The following KIAA1217 variants were observed in gnomAD, a reference collection of about 807,000 sequenced individuals.
KIAA1217 encodes the protein sickle tail protein homolog.
In KIAA1217, 88 loss-of-function variants were observed where a neutral mutation model predicts 163.9. That is an observed-to-expected ratio of 0.54 (90% CI 0.45 to 0.64). The LOEUF (loss-of-function observed/expected upper bound fraction) is 0.64. Among genes scored for constraint, KIAA1217 ranks in the 30% least tolerant of loss-of-function variants. The pLI is 0.00. For synonymous variants in KIAA1217, 903 were observed against 923.1 expected (o/e 0.98, Z 0.39); for missense variants, 2,372 against 2,475.0 (o/e 0.96, Z 0.88).
rs576231311 is a variant in KIAA1217, at chr10:23,698,981, C to T, written c.-321+3747C>T. On this transcript the variant is annotated intron_variant, in intron 1 of 18. Coordinates refer to the KIAA1217 transcript ENST00000376462. Reference sequence around the variant, plus strand: ...TGTAGGCACAGCCTCCTGCCTCAGACTCCCAAAGTGCTGGGCTTACAGGCA... The same window carrying T: ...TGTAGGCACAGCCTCCTGCCTCAGATTCCCAAAGTGCTGGGCTTACAGGCA... Among the ~76,000 whole-genome samples, 212 of 152,336 alleles carry T rather than the reference C, an allele frequency of 1.4e-3. 1 individual carries two copies. The highest frequency in any genetic ancestry group is 2.0e-3 in the Non-Finnish European group (139 of 68,030).
At chr10:24,398,436 G>A (rs1246712197) in intron 3 of KIAA1217, among the ~76,000 whole-genome samples, 2 of 152,138 alleles carry the variant, frequency 1.3e-5, no homozygotes, top group Non-Finnish European at 2.9e-5. Flanking sequence ...ATATGTACAG[G>A]TCTGCAGCAA....
intron 2 of KIAA1217, among the ~76,000 whole-genome samples, chr10:24,080,247 C>T (rs2061496071): frequency 6.6e-6 from 1 of 152,200 alleles, no homozygotes; most frequent in South Asian, 2.1e-4. Context: ...TTGGAGATGG[C>T]TGCTGGCTGA....
At chr10:24,045,902 A>G (rs1205776166) in intron 2 of KIAA1217, among the ~76,000 whole-genome samples, 1 of 152,112 alleles carries the variant, frequency 6.6e-6, no homozygotes, top group Admixed American at 6.6e-5. Flanking sequence ...CTTGAAACTC[A>G]TGTTCACCTA....
At chr10:24,251,423 CAAGAAAAAAAAAGA>C (rs2074517545) in intron 2 of KIAA1217, among the ~76,000 whole-genome samples, 6 of 106,380 alleles carry the variant, frequency 5.6e-5, no homozygotes, top group African/African-American at 1.1e-4. Context: ...AAAAAAAAAA[CAAGAAAAAAAAAGA>C]AAGAAAAAAA....
At chr10:23,854,445 A>G (rs189932933) in intron 1 of KIAA1217, among the ~76,000 whole-genome samples, 556 of 152,112 alleles carry the variant, frequency 3.7e-3, no homozygotes, top group African/African-American at 0.011. Flanking sequence ...TATGTGGTCA[A>G]TTTTGGAGTA....
At position 23,820,021 on chromosome 10, in the gene KIAA1217, A is replaced by G. The variant is rs548394629; in HGVS notation, c.-321+124787A>G. ...AACTGATTCTGGGCCCTAGTCATAC[A>G]TGTAAATATATGTGCACAAATACAG... is the stretch of plus-strand genomic sequence containing the variant. On this transcript the variant is annotated intron_variant, in intron 1 of 18. Transcript: ENST00000376462. Among the ~76,000 whole-genome samples the G allele has an allele frequency of 2.0e-5, 3 of 152,348 alleles. No individual in the cohort carries two copies. In the South Asian group the frequency reaches 6.2e-4, roughly 32 times the overall value.
upstream of KIAA1217, among the ~76,000 whole-genome samples, chr10:24,205,328 A>T (rs1393506250): frequency 6.9e-6 from 1 of 144,072 alleles, no homozygotes; most frequent in South Asian, 2.3e-4. Flanking sequence ...AAAAAAAAAA[A>T]GCCAGGCGTG....
intron 2 of KIAA1217, among the ~76,000 whole-genome samples, chr10:24,062,778 C>T (rs2060780785): frequency 6.6e-6 from 1 of 152,100 alleles, no homozygotes; most frequent in African/African-American, 2.4e-5. Context: ...GTTCCTATTT[C>T]TCCACATCCT....
At chr10:24,430,724 G>T (rs759073007) in intron 3 of KIAA1217, among the ~76,000 whole-genome samples, 4 of 152,134 alleles carry the variant, frequency 2.6e-5, no homozygotes, top group Non-Finnish European at 5.9e-5. Context: ...TTCACAGTAG[G>T]GTTCACGCTC....
intron 1 of KIAA1217, among the ~76,000 whole-genome samples, chr10:23,989,532 G>C (rs748754483): frequency 2.0e-5 from 3 of 152,146 alleles, no homozygotes; most frequent in Non-Finnish European, 4.4e-5. Flanking sequence ...TGAATATAGA[G>C]CAGGTCACCT....
chr10:24,225,072 G>T (rs945927875), intron 2 of KIAA1217, among the ~76,000 whole-genome samples: 1 of 151,980 alleles, frequency 6.6e-6, no homozygotes, highest in Non-Finnish European at 1.5e-5. Flanking sequence ...TGATCTGCCC[G>T]CCTTGGCCTC....
At chr10:24,384,041 G>A (rs113110841) in intron 3 of KIAA1217, among the ~76,000 whole-genome samples, 3 of 152,282 alleles carry the variant, frequency 2.0e-5, no homozygotes, top group Middle Eastern at 3.4e-3. Flanking sequence ...CCATGAGCAG[G>A]GTGTCTACCA....
At chr10:24,441,980 T>TCC (rs2132064151) in intron 5 of KIAA1217, among the ~76,000 whole-genome samples, 1 of 152,338 alleles carries the variant, frequency 6.6e-6, no homozygotes, top group Admixed American at 6.5e-5. Flanking sequence ...TGGGGGCTTC[T>TCC]CCACCTTCTT....
At chr10:23,909,082 C>T (rs1842310085) in intron 1 of KIAA1217, among the ~76,000 whole-genome samples, 1 of 152,116 alleles carries the variant, frequency 6.6e-6, no homozygotes, top group African/African-American at 2.4e-5. Flanking sequence ...TACTATTATT[C>T]TAAGCAAAGT....
At chr10:23,929,780 CT>C (rs1843180277) in intron 1 of KIAA1217, among the ~76,000 whole-genome samples, 1 of 152,196 alleles carries the variant, frequency 6.6e-6, no homozygotes, top group Non-Finnish European at 1.5e-5. Flanking sequence ...ATGTAGGTGT[CT>C]TTTTGGTGGA....
rs1403847911 is a variant in KIAA1217 at position 23,934,604 on chromosome 10, TATGTATATATATATATATA to T, written c.-320-72620_-320-72602del. Reference sequence around the variant, plus strand: ...ATATATATATATGTATATATATATATATGTATATATATATATATATATTTTTTTTTTGAGACGGAGTCTC... The same window carrying T: ...ATATATATATATGTATATATATATATTATTTTTTTTTTGAGACGGAGTCTC... On this transcript the variant is annotated intron_variant, in intron 1 of 18. Transcript: ENST00000376462. 9.5e-5 allele frequency among the ~76,000 whole-genome samples: 8 copies of T among 84,172 alleles called. 1 individual carries two copies. In the African/African-American group the frequency reaches 9.6e-4, roughly 10 times the overall value. The allele number at this position is 84,172 out of a possible 152,430, so 55.2% of individuals were successfully genotyped here.
intron 2 of KIAA1217, among the ~76,000 whole-genome samples, chr10:24,289,055 T>G (rs2078843588): frequency 6.6e-6 from 1 of 152,196 alleles, no homozygotes; most frequent in Non-Finnish European, 1.5e-5. Flanking sequence ...TTTTTACGCT[T>G]TTTTCTCTAC....
intron 2 of KIAA1217, among the ~76,000 whole-genome samples, chr10:24,015,171 A>C (rs901137744): frequency 6.6e-6 from 1 of 152,116 alleles, no homozygotes; most frequent in African/African-American, 2.4e-5. Context: ...TGCTTTCCTG[A>C]TTCCTCCAAA....
At chr10:23,935,064 A>G (rs1357709455) in intron 1 of KIAA1217, among the ~76,000 whole-genome samples, 1 of 152,158 alleles carries the variant, frequency 6.6e-6, no homozygotes, top group Non-Finnish European at 1.5e-5. Context: ...TATTACCTCC[A>G]TCACATTGGG....
Sources: gnomAD v4.1 joint callset for allele counts (sites outside exome capture counted in the v4.1 genomes callset) on GRCh38, gnomAD v4.1.1 for gene constraint, MANE v1.5 for transcripts, NCBI Gene and HGNC (gene_info 2026-07-23, HGNC 2026-07-21) for gene names.